The following MTUS1 variants were observed in gnomAD, a reference collection of about 807,000 sequenced individuals.
The protein encoded by MTUS1 is microtubule associated scaffold protein 1.
In MTUS1, 109 loss-of-function variants were observed where a neutral mutation model predicts 120.8. The observed-to-expected ratio is 0.90, with a 90% confidence interval of 0.77 to 1.06. The LOEUF (loss-of-function observed/expected upper bound fraction) is 1.06. Among genes scored for constraint, MTUS1 ranks in the 50% least tolerant of loss-of-function variants. The pLI is 0.00. For missense variants in MTUS1, 2,210 were observed against 1,486.3 expected (o/e 1.49, Z -8.01); for synonymous variants, 737 against 550.5 (o/e 1.34, Z -4.74).
intron 1 of MTUS1, among the ~76,000 whole-genome samples, chr8:17,777,147 G>A (rs142898019): frequency 1.3e-5 from 2 of 152,142 alleles, no homozygotes; most frequent in Non-Finnish European, 2.9e-5. Flanking sequence ...TTTGAAACAG[G>A]TGGCTATGGC....
intron 6 of MTUS1, among the ~76,000 whole-genome samples, chr8:17,694,298 C>A (rs969570959): frequency 6.6e-6 from 1 of 152,130 alleles, no homozygotes; most frequent in African/African-American, 2.4e-5. Flanking sequence ...AAAAACAAAT[C>A]AAGATTTCAA....
intron 2 of MTUS1, 113 bp from the exon 3 acceptor site, chr8:17,743,912 A>T (rs1205779673): frequency 1.2e-6 from 1 of 861,660 alleles, no homozygotes; most frequent in African/African-American, 1.7e-5. Context: ...CTAAAAAACA[A>T]GTTCAGGCCA....
chr8:17,723,576 C>G (rs781045475), intron 4 of MTUS1, 96 bp downstream of exon 4: 3 of 1,370,418 alleles, frequency 2.2e-6, no homozygotes, highest in East Asian at 4.6e-5. Context: ...TTTCCTGAAA[C>G]CCCAGAAACA....
At chr8:17,684,783 A>G (rs1815409633) in intron 6 of MTUS1, among the ~76,000 whole-genome samples, 1 of 152,218 alleles carries the variant, frequency 6.6e-6, no homozygotes, top group Non-Finnish European at 1.5e-5. Flanking sequence ...AATTAGGAAC[A>G]TGACACAAAT....
chr8:17,665,538 TTGAGTAGA>T (rs1563162931), intron 8 of MTUS1, among the ~76,000 whole-genome samples: 1 of 144,648 alleles, frequency 6.9e-6, no homozygotes, highest in Non-Finnish European at 1.5e-5. Context: ...TTGTTGTGTT[TTGAGTAGA>T]TATGGGGTTT....
At chr8:17,776,536 G>A (rs1304499475) in intron 1 of MTUS1, among the ~76,000 whole-genome samples, 2 of 152,016 alleles carry the variant, frequency 1.3e-5, no homozygotes, top group African/African-American at 2.4e-5. Flanking sequence ...AAAATGAGCT[G>A]GGCATTGTGG....
At chr8:17,726,301 G>C (rs2046227412) in intron 3 of MTUS1, among the ~76,000 whole-genome samples, 1 of 152,118 alleles carries the variant, frequency 6.6e-6, no homozygotes, top group South Asian at 2.1e-4. Context: ...AGCTTATCCT[G>C]CCAGGACACC....
intron 6 of MTUS1, chr8:17,697,474 A>G: frequency 6.7e-7 from 1 of 1,487,778 alleles, no homozygotes. Context: ...AGGCCAAGAA[A>G]TACAGTCAGA....
intron 4 of MTUS1, chr8:17,722,084 T>C: frequency 7.5e-7 from 1 of 1,334,814 alleles, no homozygotes; most frequent in Non-Finnish European, 9.6e-7. Context: ...ACTCACTGAT[T>C]TGAATGCTTA....
intron 6 of MTUS1, among the ~76,000 whole-genome samples, chr8:17,695,687 T>C (rs1192502707): frequency 6.6e-6 from 1 of 152,204 alleles, no homozygotes; most frequent in Non-Finnish European, 1.5e-5. Context: ...AATAATGGAA[T>C]GTTACAGAAC....
chr8:17,790,155 T>C (rs941957836), intron 1 of MTUS1, among the ~76,000 whole-genome samples: 4 of 152,154 alleles, frequency 2.6e-5, no homozygotes, highest in East Asian at 1.9e-4. Context: ...AAGACCATCC[T>C]GGCTAACATG....
intron 8 of MTUS1, among the ~76,000 whole-genome samples, chr8:17,672,681 G>T (rs894043684): frequency 1.3e-5 from 2 of 152,170 alleles, no homozygotes; most frequent in African/African-American, 4.8e-5. Flanking sequence ...TATGCCTGCT[G>T]CAACAGCAGC....
intron 6 of MTUS1, chr8:17,693,432 TA>T (rs1159879678): frequency 6.6e-6 from 1 of 152,072 alleles, no homozygotes; most frequent in African/African-American, 2.4e-5. Context: ...CACCCAGTAA[TA>T]ATATATCAGA....
intron 3 of MTUS1, among the ~76,000 whole-genome samples, chr8:17,743,174 A>T (rs76243763): frequency 1.9e-3 from 293 of 152,286 alleles, no homozygotes; most frequent in Middle Eastern, 3.4e-3. Context: ...AGTCACCCTC[A>T]TATCCCTCCT....
In MTUS1 at chr8:17,644,935, A is replaced by G. The variant is rs1042245154; in HGVS notation, c.*991T>C. 6.6e-6 allele frequency: 1 copy of G among 152,298 alleles called. No homozygotes were observed. The highest frequency in any genetic ancestry group is 2.4e-5 in the African/African-American group (1 of 41,434). 9.4% of individuals were successfully genotyped at this position (152,298 alleles called of 1,614,324 possible). ...GCTTTTGTGGCTCTGGATGGTGGAG[A>G]AAGGTAAAAGGAAAATGAGAATAAT... On this transcript the variant is annotated 3_prime_UTR_variant, in exon 15 of 15. Coordinates refer to ENST00000693296, the MANE Select transcript of MTUS1 (RefSeq NM_001363059.2).
chr8:17,684,238 A>C, intron 7 of MTUS1, 90 bp downstream of exon 7: 5 of 889,388 alleles, frequency 5.6e-6, no homozygotes, highest in African/African-American at 1.6e-5. Flanking sequence ...TCATTTACCT[A>C]GATATTCCCA....
rs1385788899 is a variant in MTUS1 at position 17,722,037 on chromosome 8, C to G, written c.2449+1635G>C. On this transcript the variant is annotated intron_variant, in intron 4 of 14. Coordinates refer to ENST00000693296, the MANE Select transcript of MTUS1 (RefSeq NM_001363059.2). The stretch of plus-strand genomic sequence containing the variant: ...GTAAGCTCCAAGGCACTACACAAAA[C>G]AGATTAAACCAGCTAGCAAATCAAA... 12 of 1,320,714 alleles carry G rather than the reference C, an allele frequency of 9.1e-6. No individual in the cohort carries two copies. In the East Asian group the frequency reaches 3.3e-4, roughly 37 times the overall value. 81.8% of individuals were successfully genotyped at this position (1,320,714 alleles called of 1,614,324 possible).
At chr8:17,717,447 A>C (rs1039772714) in intron 4 of MTUS1, among the ~76,000 whole-genome samples, 1 of 152,222 alleles carries the variant, frequency 6.6e-6, no homozygotes, top group Admixed American at 6.5e-5. Context: ...AAATCCAACA[A>C]AGAAAATTAG....
At chr8:17,783,428 G>A (rs555172908) in intron 1 of MTUS1, among the ~76,000 whole-genome samples, 100 of 152,288 alleles carry the variant, frequency 6.6e-4, no homozygotes, top group African/African-American at 2.3e-3. Context: ...AGGACTGGCC[G>A]CTATTTGCCT....
Sources: allele counts gnomAD v4.1 joint callset (sites outside exome capture counted in the v4.1 genomes callset), GRCh38; gene constraint gnomAD v4.1.1; transcripts MANE v1.5; gene names NCBI Gene and HGNC (gene_info 2026-07-23, HGNC 2026-07-21).